Variants in RAVER2 observed in about 807,000 individuals in gnomAD.
The protein encoded by RAVER2 is ribonucleoprotein PTB-binding 2.
In RAVER2, 46 loss-of-function variants were observed where a neutral mutation model predicts 78.1. That is an observed-to-expected ratio of 0.59 (90% confidence interval 0.46 to 0.75). RAVER2 has a LOEUF of 0.75. RAVER2 is among the 30% of genes least tolerant of loss of function. RAVER2 has a pLI of 0.00. For missense variants in RAVER2, 793 were observed against 837.5 expected, an observed-to-expected ratio of 0.95 and a Z score of 0.66; for synonymous variants, 311 against 313.3, an observed-to-expected ratio of 0.99 and a Z score of 0.08.
At chr1:64,759,664 C>G (rs1239528103) in intron 1 of RAVER2, among the ~76,000 whole-genome samples, 2 of 151,860 alleles carry the variant, frequency 1.3e-5, no homozygotes, top group African/African-American at 2.4e-5. Flanking sequence ...CTACAGGCGC[C>G]CGCCACCACG....
rs374457206 is a variant in RAVER2 at position 64,757,698 on chromosome 1, C to G, written c.250-10958C>G. On this transcript the variant is annotated intron_variant, in intron 1 of 11. Transcript: ENST00000294428. ...CTAGAAACCAAGATCTGGAAACTAG[C>G]TATACTCATTGCCATTGGGTGTCAG... is the stretch of plus-strand genomic sequence containing the variant. 5.3e-5 allele frequency among the ~76,000 whole-genome samples: 8 copies of G among 152,182 alleles called. No individual in the cohort carries two copies. The East Asian group carries it at 9.6e-4, about 18-fold the overall frequency.
intron 1 of RAVER2, among the ~76,000 whole-genome samples, chr1:64,758,400 T>C (rs550602952): frequency 2.0e-4 from 31 of 152,296 alleles, no homozygotes; most frequent in African/African-American, 7.0e-4. Flanking sequence ...AGAGATTATC[T>C]AGGTGGGCCC....
At chr1:64,748,626 C>T (rs940122997) in intron 1 of RAVER2, among the ~76,000 whole-genome samples, 42 of 152,152 alleles carry the variant, frequency 2.8e-4, no homozygotes, top group African/African-American at 9.9e-4. Flanking sequence ...GGATTTAACA[C>T]AAAAATAGCA....
intron 5 of RAVER2, among the ~76,000 whole-genome samples, chr1:64,798,893 G>A (rs183837833): frequency 3.9e-5 from 6 of 152,222 alleles, no homozygotes; most frequent in African/African-American, 1.2e-4. Context: ...AAGGTAATTA[G>A]CATATTAACC....
At chr1:64,793,998 T>C (rs1329299440) in intron 5 of RAVER2, among the ~76,000 whole-genome samples, 1 of 152,240 alleles carries the variant, frequency 6.6e-6, no homozygotes, top group Non-Finnish European at 1.5e-5. Flanking sequence ...ATAAAATCTC[T>C]ATGGACATTT....
chr1:64,781,673 C>T (rs1570550207), intron 4 of RAVER2, 102 bp downstream of exon 4: 3 of 1,099,300 alleles, frequency 2.7e-6, no homozygotes, highest in Non-Finnish European at 3.7e-6. Context: ...TCGATTGCAC[C>T]ATCATTGCAT....
intron 2 of RAVER2, 92 bp downstream of exon 2, chr1:64,768,814 C>T (rs1184910239): frequency 1.3e-6 from 1 of 781,478 alleles, no homozygotes; most frequent in African/African-American, 1.8e-5. Context: ...CATGCTTAAG[C>T]TAATCATGGA....
At chr1:64,811,285 T>A (rs1653598113) in intron 9 of RAVER2, among the ~76,000 whole-genome samples, 1 of 152,240 alleles carries the variant, frequency 6.6e-6, no homozygotes, top group African/African-American at 2.4e-5. Flanking sequence ...AAATGCTGTA[T>A]GTTGCTAATC....
At chr1:64,761,425 GA>G (rs958598700) in intron 1 of RAVER2, among the ~76,000 whole-genome samples, 1 of 152,202 alleles carries the variant, frequency 6.6e-6, no homozygotes, top group African/African-American at 2.4e-5. Flanking sequence ...AGAGAAGTTT[GA>G]AATGGAAGTA....
Position 64,750,178 on chromosome 1 carries a change from C to A in RAVER2, c.249+4757C>A, listed in dbSNP as rs367739348. Among the ~76,000 whole-genome samples, 9 of 152,244 alleles carry A rather than the reference C, an allele frequency of 5.9e-5. No homozygotes were observed. The South Asian group carries it at 1.9e-3, about 32-fold the overall frequency. On this transcript the variant is annotated intron_variant, in intron 1 of 11. Transcript: ENST00000294428. Reference sequence around the variant, plus strand: ...AAGCTTGATGGTTTATTTACAGAGACCCATTTGAAACCATAATATTACCAA... The same window carrying A: ...AAGCTTGATGGTTTATTTACAGAGAACCATTTGAAACCATAATATTACCAA...
chr1:64,788,085 T>C (rs1652832310), intron 4 of RAVER2, among the ~76,000 whole-genome samples: 1 of 152,242 alleles, frequency 6.6e-6, no homozygotes, highest in Non-Finnish European at 1.5e-5. Context: ...CTGAAAATTA[T>C]TTCATGTTTT....
intron 11 of RAVER2, among the ~76,000 whole-genome samples, chr1:64,817,168 G>A (rs1219383474): frequency 6.6e-6 from 1 of 152,094 alleles, no homozygotes; most frequent in Non-Finnish European, 1.5e-5. Context: ...CATCATCACT[G>A]GCCATCAGAG....
chr1:64,786,057 C>CAAAA, intron 4 of RAVER2, among the ~76,000 whole-genome samples: 1 of 152,246 alleles, frequency 6.6e-6, no homozygotes, highest in African/African-American at 2.4e-5. Flanking sequence ...AAAATCTAGG[C>CAAAA]TCAGAGTTCT....
At chr1:64,787,814 C>A (rs1462986496) in intron 4 of RAVER2, among the ~76,000 whole-genome samples, 1 of 152,172 alleles carries the variant, frequency 6.6e-6, no homozygotes, top group Non-Finnish European at 1.5e-5. Context: ...CTGAATTATC[C>A]TGTGTGTGGA....
intron 4 of RAVER2, among the ~76,000 whole-genome samples, chr1:64,786,842 A>T (rs1652794420): frequency 6.6e-6 from 1 of 152,154 alleles, no homozygotes; most frequent in Non-Finnish European, 1.5e-5. Context: ...ATATTCTACT[A>T]TTTAACCTAT....
chr1:64,758,078 C>G (rs1271458906), intron 1 of RAVER2, among the ~76,000 whole-genome samples: 2 of 152,150 alleles, frequency 1.3e-5, no homozygotes, highest in East Asian at 1.9e-4. Flanking sequence ...CATCACCTTG[C>G]CTGGGTTCTG....
At chr1:64,822,890 G>A (rs541999099) in intron 11 of RAVER2, among the ~76,000 whole-genome samples, 52 of 152,296 alleles carry the variant, frequency 3.4e-4, no homozygotes, top group South Asian at 1.9e-3. Flanking sequence ...TACAACATTG[G>A]TGAACCTTGT....
rs552754128 is a variant in RAVER2 at position 64,807,192 on chromosome 1, A to G, written c.1412-14A>G. On this transcript the variant is annotated splice_polypyrimidine_tract_variant and intron_variant, in intron 8 of 11. Coordinates refer to ENST00000294428, the Ensembl canonical transcript of RAVER2. Reference sequence around the variant, plus strand: ...TTCTAACTAAAAGCTTTTTGCATTTATGGTTTGCTACAGCATCTAGCCTGA... The same window carrying G: ...TTCTAACTAAAAGCTTTTTGCATTTGTGGTTTGCTACAGCATCTAGCCTGA... 4.3e-5 allele frequency: 68 copies of G among 1,593,900 alleles called. 1 individual carries two copies. In the South Asian group the frequency reaches 7.4e-4, roughly 17 times the overall value.
chr1:64,802,006 A>T (rs2100870203), intron 5 of RAVER2, among the ~76,000 whole-genome samples: 1 of 152,382 alleles, frequency 6.6e-6, no homozygotes, highest in East Asian at 1.9e-4. Flanking sequence ...TGAATTTTCC[A>T]GGAAAATGGT....
Sources: allele counts gnomAD v4.1 joint callset (sites outside exome capture counted in the v4.1 genomes callset), GRCh38; gene constraint gnomAD v4.1.1; transcripts MANE v1.5; gene names NCBI Gene and HGNC (gene_info 2026-07-23, HGNC 2026-07-21).